The following HSPA12B variants were observed in gnomAD, a reference collection of about 807,000 sequenced individuals.
HSPA12B encodes the protein heat shock 70 kDa protein 12B.
Under a neutral mutation model 69.3 loss-of-function variants are expected in HSPA12B, and 54 were observed. The observed-to-expected ratio is 0.78, with a 90% CI of 0.63 to 0.98. The LOEUF is 0.98. HSPA12B is among the 50% of genes least tolerant of loss of function. The pLI, the probability that HSPA12B is intolerant of heterozygous loss-of-function variation, is 0.00. For synonymous variants in HSPA12B, 441 were observed against 436.5 expected (o/e 1.01, Z -0.13); for missense variants, 929 against 999.8 (o/e 0.93, Z 0.96).
chr20:3,747,455 C>T (rs1459714864), intron 7 of HSPA12B, among the ~76,000 whole-genome samples: 3 of 152,190 alleles, frequency 2.0e-5, no homozygotes, highest in Admixed American at 6.5e-5. Flanking sequence ...CACCCTCCTT[C>T]TCACGCTGTT....
intron 2 of HSPA12B, 99 bp downstream of exon 2, chr20:3,738,816 C>G (rs1600309632): frequency 8.0e-7 from 1 of 1,255,712 alleles, no homozygotes; most frequent in East Asian, 2.3e-5. Flanking sequence ...TCCCACAGAG[C>G]TTCCCAACAG....
rs765569003 is a variant in HSPA12B, at chr20:3,751,896, G to A, written c.1791G>A (p.Ala597=). Residue 597 remains alanine (A), a synonymous_variant, in exon 13 of 13, where the codon GCG becomes GCA. Transcript: ENST00000254963. ...GEEVRRSYCP[A]RPGQRRVLIN... is the part of the protein sequence containing the mutation. ...AGGTGCGGCGCAGCTACTGCCCGGC[G>A]CGTCCCGGCCAGCGGCGCGTACTCA... 18 of 1,570,668 alleles carry A rather than the reference G, an allele frequency of 1.1e-5. No homozygotes were observed. The highest frequency in any genetic ancestry group is 1.5e-5 in the Non-Finnish European group (17 of 1,164,064).
At chr20:3,748,788 C>T (rs2088355467) in intron 8 of HSPA12B, among the ~76,000 whole-genome samples, 1 of 152,092 alleles carries the variant, frequency 6.6e-6, no homozygotes, top group South Asian at 2.1e-4. Flanking sequence ...GTCCCCTTCA[C>T]TCCCCTCATC....
At chr20:3,748,866 G>A (rs2088357074) in intron 8 of HSPA12B, among the ~76,000 whole-genome samples, 1 of 152,084 alleles carries the variant, frequency 6.6e-6, no homozygotes, top group Non-Finnish European at 1.5e-5. Context: ...GGACAGCTAT[G>A]GTCATCCTCC....
At position 3,750,864 on chromosome 20, in the gene HSPA12B, C is replaced by T. The variant is rs761424304; in HGVS notation, c.1362C>T (p.Asn454=). The T allele has an allele frequency of 5.6e-6, 9 of 1,613,984 alleles. No individual in the cohort carries two copies. Among genetic ancestry groups the T allele is most frequent in the South Asian group, 1.1e-5 (1 of 91,084 alleles). Residue 454 remains asparagine, a synonymous_variant, in exon 12 of 13, where the codon AAC becomes AAT. Coordinates refer to ENST00000254963, the MANE Select transcript of HSPA12B (RefSeq NM_052970.5). ...TCCGAATGTCTTGTGAAGCCATGAA[C>T]GAGCTCTTTCAGCCCACCGTCAGCG... ...GMLRMSCEAM[N]ELFQPTVSGI...
In HSPA12B at chr20:3,748,334, GC is replaced by G; in HGVS notation, c.797del (p.Pro266GlnfsTer38). ...CCAGCTCCTGGACCTGAGTGGCCGG[GC>G]CCCAGGTGGTGGGCGCCTGGGTGAG... ...LHQLLDLSGRAPGGGRLGERR... is the reference protein window; with the variant it reads ...LHQLLDLSGRXPGGGRLGERR... On this transcript the variant is annotated frameshift_variant, in exon 8 of 13. Coordinates refer to ENST00000254963, the MANE Select transcript of HSPA12B (RefSeq NM_052970.5). LOFTEE classifies it high-confidence loss of function. The G allele has an allele frequency of 6.2e-7, 1 of 1,610,408 alleles. No individual in the cohort carries two copies. Among genetic ancestry groups the G allele is most frequent in the Non-Finnish European group, 8.5e-7 (1 of 1,178,436 alleles).
Position 3,749,143 on chromosome 20 carries a change from T to G in HSPA12B, c.851-89T>G. Reference sequence around the variant, plus strand: ...GAGCACTGGCTGCTCCCAGTGCCCATGGAGGTCCTGGGCAGGAGGATGGGA... The same window carrying G: ...GAGCACTGGCTGCTCCCAGTGCCCAGGGAGGTCCTGGGCAGGAGGATGGGA... On this transcript the variant is annotated intron_variant, in intron 8 of 12. Transcript: ENST00000254963. This position sits in a 1 kb window ranked among gnomAD's most constrained non-coding sequence, Gnocchi z 5.5. 1.8e-6 allele frequency: 2 copies of G among 1,134,566 alleles called. No individual in the cohort carries two copies. Among genetic ancestry groups the G allele is most frequent in the Non-Finnish European group, 2.6e-6 (2 of 781,396 alleles). 70.3% of individuals were successfully genotyped at this position (1,134,566 alleles called of 1,614,324 possible).
chr20:3,734,458 C>T (rs1294161170), intron 1 of HSPA12B, among the ~76,000 whole-genome samples: 1 of 152,160 alleles, frequency 6.6e-6, no homozygotes. Context: ...AAATGGAGTT[C>T]CTTTCTGTGT....
intron 4 of HSPA12B, among the ~76,000 whole-genome samples, chr20:3,743,845 T>A (rs2088251037): frequency 1.3e-5 from 2 of 151,102 alleles, no homozygotes; most frequent in Admixed American, 6.6e-5. Flanking sequence ...AGGTCCAACA[T>A]CTCAAATCTT....
intron 1 of HSPA12B, among the ~76,000 whole-genome samples, chr20:3,736,177 C>T (rs2088106124): frequency 6.6e-6 from 1 of 152,204 alleles, no homozygotes; most frequent in African/African-American, 2.4e-5. Flanking sequence ...CATCCCACTC[C>T]ATCATCCTGA....
At position 3,751,815 on chromosome 20, in the gene HSPA12B, C is replaced by A; in HGVS notation, c.1710C>A (p.Cys570Ter). 1 of 1,532,510 alleles carries A rather than the reference C, an allele frequency of 6.5e-7. No homozygotes were observed. Among genetic ancestry groups the A allele is most frequent in the Non-Finnish European group, 8.7e-7 (1 of 1,145,496 alleles). 94.9% of individuals were successfully genotyped at this position (1,532,510 alleles called of 1,614,324 possible). A position where few individuals can be genotyped will look rare whatever the true frequency, so the allele number is the denominator to read the frequency against. ...KLLVRDGRRWCTDVFERFVAA... is the reference protein window; with the variant it reads ...KLLVRDGRRW ...TGGTTCGCGACGGCCGCCGCTGGTG[C>A]ACCGACGTCTTCGAGCGCTTCGTGG... The change falls in exon 13 of 13, where the codon TGC becomes TGA. Residue 570 changes from cysteine (C) to a stop codon, truncating the protein, a stop_gained. Transcript: ENST00000254963. LOFTEE classifies it high-confidence loss of function.
In HSPA12B at chr20:3,737,702, AAAAC is replaced by A. The variant is rs1319115064; in HGVS notation, c.-17-945_-17-942del. On this transcript the variant is annotated intron_variant, in intron 1 of 12. Coordinates refer to ENST00000254963, the MANE Select transcript of HSPA12B (RefSeq NM_052970.5). The surrounding 1 kb of genome is among the most constrained non-coding windows in gnomAD (Gnocchi z 4.1). ...TCGTGACAGAGTGACACCCTATCTC[AAAAC>A]AAACAAACAACGAAGGCCAGGCACG... Among the ~76,000 whole-genome samples the A allele has an allele frequency of 6.6e-6, 1 of 152,090 alleles. No individual in the cohort carries two copies. The highest frequency in any genetic ancestry group is 1.5e-5 in the Non-Finnish European group (1 of 68,010).
intron 11 of HSPA12B, 179 bp from the exon 12 acceptor site, chr20:3,750,625 A>G (rs1425299643): frequency 1.0e-6 from 1 of 976,790 alleles, no homozygotes; most frequent in Non-Finnish European, 1.2e-6. Flanking sequence ...CCTCTGAGTG[A>G]GTAGGGTGGA....
At chr20:3,751,037 C>A in intron 12 of HSPA12B, 130 bp downstream of exon 12, 1 of 917,174 alleles carries the variant, frequency 1.1e-6, no homozygotes, top group Non-Finnish European at 1.7e-6. Flanking sequence ...TCATCTAGAA[C>A]ACCTGCGGGA....
chr20:3,750,561 G>A (rs528453071), intron 11 of HSPA12B: 1 of 615,938 alleles, frequency 1.6e-6, no homozygotes, highest in South Asian at 7.2e-5. Context: ...AAAGCAAGGG[G>A]AGGCCCCTCC....
chr20:3,752,311 C>T lies in HSPA12B; in HGVS notation c.*145C>T. On this transcript the variant is annotated 3_prime_UTR_variant, in exon 13 of 13. Coordinates refer to ENST00000254963, the MANE Select transcript of HSPA12B (RefSeq NM_052970.5). ...CCTCCAGCCCCGGGGGAGATAAGGTCATGGGAGAGTGGGTGGGGACACACC... is the reference window on the plus strand; with the variant it reads ...CCTCCAGCCCCGGGGGAGATAAGGTTATGGGAGAGTGGGTGGGGACACACC... 1 of 783,612 alleles carries T rather than the reference C, an allele frequency of 1.3e-6. No individual in the cohort carries two copies. The highest frequency in any genetic ancestry group is 1.9e-6 in the Non-Finnish European group (1 of 538,572). 48.5% of individuals were successfully genotyped at this position (783,612 alleles called of 1,614,324 possible).
In HSPA12B at chr20:3,750,785, C is replaced by T. The variant is rs375097625; in HGVS notation, c.1302-19C>T. On this transcript the variant is annotated intron_variant, in intron 11 of 12. Coordinates refer to ENST00000254963, the MANE Select transcript of HSPA12B (RefSeq NM_052970.5). ...CTGGGCCCTGACCGATGGATATTTGCCCCTTTCACCACCAACAGCGTGAAC... is the reference window on the plus strand; with the variant it reads ...CTGGGCCCTGACCGATGGATATTTGTCCCTTTCACCACCAACAGCGTGAAC... The T allele has an allele frequency of 2.2e-5, 36 of 1,613,328 alleles. No homozygotes were observed. The highest frequency in any genetic ancestry group is 2.7e-5 in the Non-Finnish European group (32 of 1,179,730).
At chr20:3,738,132 A>AAGCCC (rs775465327) in intron 1 of HSPA12B, among the ~76,000 whole-genome samples, 17 of 152,206 alleles carry the variant, frequency 1.1e-4, no homozygotes, top group Non-Finnish European at 2.1e-4. Flanking sequence ...CCTGCAGGGT[A>AAGCCC]AGCCCAGCCC....
Position 3,749,308 on chromosome 20 carries a change from G to A in HSPA12B, c.927G>A (p.Glu309=). The A allele has an allele frequency of 6.2e-7, 1 of 1,613,400 alleles. No homozygotes were observed. Among genetic ancestry groups the A allele is most frequent in the Non-Finnish European group, 8.5e-7 (1 of 1,179,750 alleles). ...CAGGCGTAGGAGAGCTGTGGGCAGA[G>A]ATGCAAGCAGGTAGGGGGAAAGGGG... ...VESGVGELWA[E]MQAGDRYVVA... is the part of the protein sequence containing the mutation. The change falls in exon 9 of 13, where the codon GAG becomes GAA. Residue 309 remains glutamate, a synonymous_variant. Transcript: ENST00000254963. This position sits in a 1 kb window ranked among gnomAD's most constrained non-coding sequence, Gnocchi z 5.5.
Sources: allele counts gnomAD v4.1 joint callset (sites outside exome capture counted in the v4.1 genomes callset), GRCh38; gene constraint gnomAD v4.1.1; non-coding constraint Gnocchi (gnomAD v3.1); transcripts MANE v1.5; gene names NCBI Gene and HGNC (gene_info 2026-07-23, HGNC 2026-07-21).